The following MED12L variants were observed in gnomAD, a reference collection of about 807,000 sequenced individuals.
MED12L encodes mediator complex subunit 12L.
In MED12L, 60 loss-of-function variants were observed where a neutral mutation model predicts 281.3. The ratio of observed to expected loss-of-function variants is 0.21; its 90% CI spans 0.17 to 0.26. The LOEUF (loss-of-function observed/expected upper bound fraction) is 0.26. Among genes scored for constraint, MED12L ranks in the 10% least tolerant of loss-of-function variants. The pLI is 1.00. For missense variants in MED12L, 2,146 were observed against 2,680.9 expected (o/e 0.80, Z 4.41); for synonymous variants, 974 against 987.2 (o/e 0.99, Z 0.25).
intron 16 of MED12L, chr3:151,336,790 G>A: frequency 3.7e-6 from 1 of 269,278 alleles, no homozygotes; most frequent in South Asian, 3.6e-5. Flanking sequence ...AGTTGTATAT[G>A]GTATGGTGAG....
At chr3:151,274,952 A>G (rs1385546813) in intron 16 of MED12L, among the ~76,000 whole-genome samples, 3 of 152,302 alleles carry the variant, frequency 2.0e-5, no homozygotes, top group East Asian at 3.9e-4. Flanking sequence ...TTCATTCATC[A>G]TCTGTAGCAG....
At chr3:151,161,897 T>C (rs1189830987) in intron 8 of MED12L, among the ~76,000 whole-genome samples, 2 of 152,160 alleles carry the variant, frequency 1.3e-5, no homozygotes, top group Admixed American at 1.3e-4. Context: ...AAGTAGTCTT[T>C]AACAATATAG....
chr3:151,192,258 T>C (rs1444726581), intron 14 of MED12L, among the ~76,000 whole-genome samples: 2 of 152,222 alleles, frequency 1.3e-5, no homozygotes, highest in African/African-American at 4.8e-5. Context: ...GGTTAAAGTA[T>C]GTGATGGGAA....
rs547508853 is a variant in MED12L at position 151,118,489 on chromosome 3, G to A, written c.204+2047G>A. ...TGGTACAATTTTTTACGTTACAACC[G>A]CAATTATGTATATGTAATTTATGAT... On this transcript the variant is annotated intron_variant, in intron 3 of 44. Coordinates refer to ENST00000687756, the MANE Select transcript of MED12L (RefSeq NM_001393769.1). 2.6e-5 allele frequency among the ~76,000 whole-genome samples: 4 copies of A among 152,062 alleles called. No individual in the cohort carries two copies. In the Middle Eastern group the frequency reaches 0.01, roughly 391 times the overall value.
chr3:151,110,555 G>A lies in MED12L; in HGVS notation c.100-5783G>A, dbSNP rs137885249. Among the ~76,000 whole-genome samples, 9 of 152,258 alleles carry A rather than the reference G, an allele frequency of 5.9e-5. No individual in the cohort carries two copies. In the East Asian group the frequency reaches 1.7e-3, roughly 29 times the overall value. Reference sequence around the variant, plus strand: ...AAACTTCAGGAAATAGACCATCAAGGTGCATTTTTTTGGTTGTGATACTCT... The same window carrying A: ...AAACTTCAGGAAATAGACCATCAAGATGCATTTTTTTGGTTGTGATACTCT... On this transcript the variant is annotated intron_variant, in intron 2 of 44. Coordinates refer to ENST00000687756, the MANE Select transcript of MED12L (RefSeq NM_001393769.1).
intron 16 of MED12L, among the ~76,000 whole-genome samples, chr3:151,275,328 A>G (rs937351103): frequency 6.6e-6 from 1 of 151,758 alleles, no homozygotes; most frequent in South Asian, 2.1e-4. Context: ...CAGATGTCAT[A>G]TAATTGGGTA....
chr3:151,170,669 G>A (rs1191758294), intron 11 of MED12L, among the ~76,000 whole-genome samples: 1 of 152,124 alleles, frequency 6.6e-6, no homozygotes, highest in Non-Finnish European at 1.5e-5. Context: ...GGGTATAATG[G>A]CAAGGGAGGT....
At chr3:151,300,196 T>A (rs1196937310) in intron 16 of MED12L, 2 of 850,558 alleles carry the variant, frequency 2.4e-6, no homozygotes, top group African/African-American at 3.3e-5. Flanking sequence ...CCTGGTTTGA[T>A]TTCTGGGGAG....
chr3:151,240,555 A>G (rs1733869282), intron 16 of MED12L, among the ~76,000 whole-genome samples: 1 of 152,246 alleles, frequency 6.6e-6, no homozygotes, highest in South Asian at 2.1e-4. Flanking sequence ...AAAGAGCTAA[A>G]AAACAAAACA....
At chr3:151,284,596 A>T (rs1743222820) in intron 16 of MED12L, among the ~76,000 whole-genome samples, 1 of 151,960 alleles carries the variant, frequency 6.6e-6, no homozygotes, top group South Asian at 2.1e-4. Flanking sequence ...TTTTTTATGT[A>T]TGTTTGTTTG....
At chr3:151,348,567 T>G (rs1353427541) in intron 16 of MED12L, among the ~76,000 whole-genome samples, 1 of 150,778 alleles carries the variant, frequency 6.6e-6, no homozygotes, top group Non-Finnish European at 1.5e-5. Flanking sequence ...AACTCGCTCC[T>G]AGCTTCTTTT....
rs185835244 is a variant in MED12L at position 151,172,201 on chromosome 3, G to C, written c.1494+6219G>C. On this transcript the variant is annotated intron_variant, in intron 11 of 44. Transcript: ENST00000687756. ...TCAGCAGTTTAGTGTATTTCTTTAGGGACATTGGACAATTCACGTATTTTT... is the reference window on the plus strand; with the variant it reads ...TCAGCAGTTTAGTGTATTTCTTTAGCGACATTGGACAATTCACGTATTTTT... Among the ~76,000 whole-genome samples, 402 of 152,128 alleles carry C rather than the reference G, an allele frequency of 2.6e-3. 3 individuals are homozygous for C. The highest frequency in any genetic ancestry group is 8.9e-3 in the African/African-American group (369 of 41,490).
At chr3:151,118,663 T>C (rs966091099) in intron 3 of MED12L, among the ~76,000 whole-genome samples, 2 of 151,940 alleles carry the variant, frequency 1.3e-5, no homozygotes, top group Admixed American at 1.3e-4. Context: ...TTTTTTTTTT[T>C]TTGAGACGTA....
chr3:151,294,532 C>A, intron 16 of MED12L: 1 of 1,614,132 alleles, frequency 6.2e-7, no homozygotes, highest in Non-Finnish European at 8.5e-7. Flanking sequence ...TTATGAATTG[C>A]CTGCTGGATT....
intron 2 of MED12L, among the ~76,000 whole-genome samples, chr3:151,112,447 TTTG>T (rs1294062357): frequency 1.3e-5 from 2 of 152,064 alleles, no homozygotes; most frequent in Non-Finnish European, 2.9e-5. Context: ...CATGTGGGAA[TTTG>T]TTAAGAGGCT....
chr3:151,195,046 G>A (rs564240787), intron 16 of MED12L, among the ~76,000 whole-genome samples: 54 of 152,142 alleles, frequency 3.5e-4, no homozygotes, highest in Non-Finnish European at 6.8e-4. Flanking sequence ...GCCTGTAGTC[G>A]CAGCTTCTCA....
Position 151,085,801 on chromosome 3 carries a change from G to A in MED12L, c.-265G>A, listed in dbSNP as rs1719081411. On this transcript the variant is annotated 5_prime_UTR_variant, in exon 1 of 45. Coordinates refer to ENST00000687756, the MANE Select transcript of MED12L (RefSeq NM_001393769.1). Reference sequence around the variant, plus strand: ...TGGCAAACTTCGCGGCGTTCCCGGAGCTCGTCCGGGCGAGGCAGATACCGC... The same window carrying A: ...TGGCAAACTTCGCGGCGTTCCCGGAACTCGTCCGGGCGAGGCAGATACCGC... 6.6e-6 allele frequency: 1 copy of A among 152,078 alleles called. No homozygotes were observed. The highest frequency in any genetic ancestry group is 2.4e-5 in the African/African-American group (1 of 41,424). The allele number at this position is 152,078 out of a possible 1,614,324, so 9.4% of individuals were successfully genotyped here. A position where few individuals can be genotyped will look rare whatever the true frequency, so the allele number is the denominator to read the frequency against.
Position 151,165,483 on chromosome 3 carries a change from C to T in MED12L, c.1321C>T (p.Arg441Trp), listed in dbSNP as rs1720595492. 1.2e-6 allele frequency: 2 copies of T among 1,613,826 alleles called. No homozygotes were observed. Among genetic ancestry groups the T allele is most frequent in the Non-Finnish European group, 1.7e-6 (2 of 1,179,890 alleles). ...ACAAAGAGGCCGTGCAGTGGAAGTT[C>T]GGTGGTCATTTGACAAGTGCCAAGA... is the stretch of plus-strand genomic sequence containing the variant. Reference protein sequence around the residue: ...IKQRGRAVEVRWSFDKCQEST... With the variant: ...IKQRGRAVEVWWSFDKCQEST... The change falls in exon 10 of 45, where the codon CGG becomes TGG. Residue 441 changes from arginine (R) to tryptophan (W), a missense_variant. Physicochemically the swap from Arg to Trp is moderately radical, Grantham distance 101 (BLOSUM62 -3). Transcript: ENST00000687756.
intron 16 of MED12L, among the ~76,000 whole-genome samples, chr3:151,335,788 C>T (rs1169434125): frequency 6.6e-6 from 1 of 152,098 alleles, no homozygotes; most frequent in Non-Finnish European, 1.5e-5. Context: ...ATAAAGATAT[C>T]CCAGCAAAGT....
Sources: gnomAD v4.1 joint callset for allele counts (sites outside exome capture counted in the v4.1 genomes callset) on GRCh38, gnomAD v4.1.1 for gene constraint, MANE v1.5 for transcripts, NCBI Gene and HGNC (gene_info 2026-07-23, HGNC 2026-07-21) for gene names.